PYY: variants seen among roughly 807,000 people sequenced by gnomAD.
PYY encodes peptide YY.
A neutral mutation model predicts 10.3 loss-of-function variants in PYY; 12 were observed. The ratio of observed to expected loss-of-function variants is 1.17; its 90% confidence interval spans 0.75 to 1.89. The LOEUF (loss-of-function observed/expected upper bound fraction) is 1.89, where lower values mean the gene tolerates loss of function less well. PYY is among the 40% of genes most tolerant of loss of function. PYY has a pLI of 0.00. For missense variants in PYY, 141 were observed against 134.0 expected (o/e 1.05, Z -0.26); for synonymous variants, 66 against 62.0 (o/e 1.06, Z -0.30).
upstream of PYY, among the ~76,000 whole-genome samples, chr17:43,957,196 C>CAAA (rs60997602): frequency 6.0e-5 from 4 of 66,612 alleles, no homozygotes; most frequent in East Asian, 9.2e-4. Flanking sequence ...AAACTGTCTC[C>CAAA]AAAAAAAAAA....
chr17:43,963,599 AAAG>A (rs1428193628), intron 2 of PYY, among the ~76,000 whole-genome samples: 2 of 83,870 alleles, frequency 2.4e-5, no homozygotes, highest in Non-Finnish European at 5.5e-5. Flanking sequence ...AGAAAGAAAG[AAAG>A]AAAGAAAGAA....
intron 2 of PYY, among the ~76,000 whole-genome samples, chr17:43,963,586 G>GAAAGAAAGA (rs1555617110): frequency 2.2e-4 from 16 of 72,996 alleles, no homozygotes; most frequent in African/African-American, 5.5e-4. Flanking sequence ...AAGAAAGAAA[G>GAAAGAAAGA]AAAGAAAGAA....
intron 1 of PYY, among the ~76,000 whole-genome samples, chr17:43,971,071 G>A (rs1293057249): frequency 6.6e-6 from 1 of 152,200 alleles, no homozygotes; most frequent in African/African-American, 2.4e-5. Flanking sequence ...ATACCCTGAA[G>A]AGAGTTTTCT....
chr17:43,986,099 T>C (rs2048914204), intron 1 of PYY, among the ~76,000 whole-genome samples: 1 of 152,092 alleles, frequency 6.6e-6, no homozygotes, highest in Non-Finnish European at 1.5e-5. Flanking sequence ...GTCTCTACTA[T>C]AAATACCAAA....
upstream of PYY, among the ~76,000 whole-genome samples, chr17:43,957,195 C>CA (rs1316287686): frequency 2.1e-3 from 291 of 137,188 alleles, 1 homozygote; most frequent in African/African-American, 8.0e-3. Flanking sequence ...GAAACTGTCT[C>CA]CAAAAAAAAA....
chr17:43,986,846 TCTAA>T (rs1393848753), intron 1 of PYY, among the ~76,000 whole-genome samples: 4 of 152,314 alleles, frequency 2.6e-5, no homozygotes, highest in South Asian at 4.2e-4. Flanking sequence ...GGATCCCAAC[TCTAA>T]CTATCATCCC....
intron 1 of PYY, among the ~76,000 whole-genome samples, chr17:44,004,121 G>GC (rs2049052306): frequency 6.6e-6 from 1 of 152,142 alleles, no homozygotes; most frequent in Admixed American, 6.5e-5. Context: ...AATTCCTCAA[G>GC]CTGGTACCCA....
intron 1 of PYY, among the ~76,000 whole-genome samples, chr17:43,978,564 C>G (rs1419452119): frequency 6.6e-6 from 1 of 152,052 alleles, no homozygotes; most frequent in Non-Finnish European, 1.5e-5. Context: ...TTAAAGACCC[C>G]CCTTGCCAGC....
chr17:43,962,818 G>A (rs577553011), intron 2 of PYY, among the ~76,000 whole-genome samples: 8 of 152,302 alleles, frequency 5.3e-5, no homozygotes, highest in South Asian at 2.1e-4. Context: ...AGTAGCAGGC[G>A]AGGGCAAGGG....
chr17:43,959,352 A>G (rs898899860), intron 2 of PYY, among the ~76,000 whole-genome samples: 1 of 152,226 alleles, frequency 6.6e-6, no homozygotes, highest in Non-Finnish European at 1.5e-5. Context: ...GGGTATTTCT[A>G]TTTAATGGCT....
chr17:43,959,676 C>T (rs1047433087), intron 2 of PYY, among the ~76,000 whole-genome samples: 3 of 152,048 alleles, frequency 2.0e-5, no homozygotes, highest in African/African-American at 7.2e-5. Flanking sequence ...AGCGAGACTA[C>T]GTCTCAAAAA....
At chr17:43,972,756 C>T (rs2048803673) in intron 1 of PYY, among the ~76,000 whole-genome samples, 1 of 151,394 alleles carries the variant, frequency 6.6e-6, no homozygotes, top group African/African-American at 2.4e-5. Context: ...CTCACTCTGT[C>T]GCTAGGCTGG....
In PYY at chr17:43,987,009, TCAACGGCAACA is replaced by T. The variant is rs1452896454; in HGVS notation, c.-463+17371_-463+17381del. On this transcript the variant is annotated intron_variant, in intron 1 of 6. Transcript: ENST00000360085. The surrounding 1 kb of genome is among the most constrained non-coding windows in gnomAD (Gnocchi z 4.0). ...GACCTGCCCAAGTTCCTACAGCAAG[TCAACGGCAACA>T]CCAGGGCTCAGCTCAGGCCGGTCTG... is the stretch of plus-strand genomic sequence containing the variant. Among the ~76,000 whole-genome samples, 1 of 152,100 alleles carries T rather than the reference TCAACGGCAACA, an allele frequency of 6.6e-6. No homozygotes were observed. Among genetic ancestry groups the T allele is most frequent in the African/African-American group, 2.4e-5 (1 of 41,388 alleles).
chr17:43,963,576 A>AAGAAAGAG (rs1392563677), intron 2 of PYY, among the ~76,000 whole-genome samples: 1 of 70,298 alleles, frequency 1.4e-5, no homozygotes, highest in African/African-American at 4.9e-5. Flanking sequence ...AAGGAAAAGA[A>AAGAAAGAG]AGAAAGAAAG....
upstream of PYY, among the ~76,000 whole-genome samples, chr17:43,957,216 A>AT (rs2048678849): frequency 6.6e-6 from 1 of 150,976 alleles, no homozygotes; most frequent in African/African-American, 2.4e-5. Context: ...AAAAAAAAAA[A>AT]GTAATTCAAT....
At chr17:43,965,634 A>G (rs2143909563) in intron 2 of PYY, among the ~76,000 whole-genome samples, 1 of 151,590 alleles carries the variant, frequency 6.6e-6, no homozygotes, top group East Asian at 1.9e-4. Context: ...TACCCAAAAT[A>G]CAAAGTTGCC....
At chr17:43,971,580 A>C (rs957409650) in intron 1 of PYY, among the ~76,000 whole-genome samples, 1 of 151,672 alleles carries the variant, frequency 6.6e-6, no homozygotes, top group Non-Finnish European at 1.5e-5. Flanking sequence ...AAAAAAAAAA[A>C]AAAAAATTGC....
At chr17:43,953,616 C>T in intron 1 of PYY, 133 bp from the exon 2 acceptor site, 1 of 854,142 alleles carries the variant, frequency 1.2e-6, no homozygotes, top group South Asian at 1.9e-5. Flanking sequence ...AGCCACCGGG[C>T]TTGCTGTGTG....
intron 2 of PYY, among the ~76,000 whole-genome samples, chr17:43,964,892 C>G: frequency 6.6e-6 from 1 of 152,190 alleles, no homozygotes; most frequent in Non-Finnish European, 1.5e-5. Flanking sequence ...ATAGATCAAA[C>G]AAATGCTATT....
Sources: gnomAD v4.1 joint callset for allele counts (sites outside exome capture counted in the v4.1 genomes callset) on GRCh38, gnomAD v4.1.1 for gene constraint, Gnocchi (gnomAD v3.1) non-coding constraint, MANE v1.5 for transcripts, NCBI Gene and HGNC (gene_info 2026-07-23, HGNC 2026-07-21) for gene names.